The following AGAP1 variants were observed in gnomAD, a reference collection of about 807,000 sequenced individuals.
AGAP1 encodes arf-GAP with GTPase, ANK repeat and PH domain-containing protein 1.
In AGAP1, 29 loss-of-function variants were observed where a neutral mutation model predicts 105.3. That is an observed-to-expected ratio of 0.28 (90% confidence interval 0.21 to 0.38). The LOEUF is 0.38. AGAP1 is among the 10% of genes least tolerant of loss of function. AGAP1 has a pLI of 1.00. For synonymous variants in AGAP1, 509 were observed against 485.9 expected, an observed-to-expected ratio of 1.05 and a Z score of -0.63; for missense variants, 998 against 1,165.1, an observed-to-expected ratio of 0.86 and a Z score of 2.09.
Position 235,559,284 on chromosome 2 carries a change from G to T in AGAP1, c.163+64435G>T, listed in dbSNP as rs1482076121. 6.6e-6 allele frequency among the ~76,000 whole-genome samples: 1 copy of T among 152,106 alleles called. No individual in the cohort carries two copies. The highest frequency in any genetic ancestry group is 2.4e-5 in the African/African-American group (1 of 41,422). On this transcript the variant is annotated intron_variant, in intron 1 of 17. Coordinates refer to ENST00000304032, the MANE Select transcript of AGAP1 (RefSeq NM_001037131.3). The surrounding 1 kb of genome is among the most constrained non-coding windows in gnomAD (Gnocchi z 5.7). ...GTCTTTATAAAAATACGATGAAGGG[G>T]TGATTTGGGTGTCCCAAGACTGTTT...
intron 1 of AGAP1, among the ~76,000 whole-genome samples, chr2:235,686,619 A>G (rs1251223809): frequency 1.5e-3 from 50 of 33,648 alleles, no homozygotes; most frequent in African/African-American, 6.9e-3. Flanking sequence ...GTGGAGATAT[A>G]GATATATATA....
rs1943857913 is a variant in AGAP1, at chr2:235,552,863, G to A, written c.163+58014G>A. Among the ~76,000 whole-genome samples, 1 of 152,212 alleles carries A rather than the reference G, an allele frequency of 6.6e-6. No homozygotes were observed. The stretch of plus-strand genomic sequence containing the variant: ...CTGAGCCGGGTTCTGACTCTGCAGA[G>A]CATTGGAGGCCTTGTTGTGGGCTCA... On this transcript the variant is annotated intron_variant, in intron 1 of 17. Coordinates refer to ENST00000304032, the MANE Select transcript of AGAP1 (RefSeq NM_001037131.3). The surrounding 1 kb of genome is among the most constrained non-coding windows in gnomAD (Gnocchi z 5.9).
intron 16 of AGAP1, among the ~76,000 whole-genome samples, chr2:236,099,384 G>A (rs1350555560): frequency 1.3e-5 from 2 of 151,124 alleles, no homozygotes; most frequent in Non-Finnish European, 3.0e-5. Flanking sequence ...GAACCCAGGA[G>A]GAGGAGGTTG....
rs897549993 is a variant in AGAP1, at chr2:235,691,240, C to T, written c.164-17939C>T. Among the ~76,000 whole-genome samples, 10 of 152,102 alleles carry T rather than the reference C, an allele frequency of 6.6e-5. No homozygotes were observed. Among genetic ancestry groups the T allele is most frequent in the South Asian group, 2.1e-4 (1 of 4,822 alleles). On this transcript the variant is annotated intron_variant, in intron 1 of 17. Coordinates refer to ENST00000304032, the MANE Select transcript of AGAP1 (RefSeq NM_001037131.3). The surrounding 1 kb of genome is among the most constrained non-coding windows in gnomAD (Gnocchi z 4.4). Reference sequence around the variant, plus strand: ...TTTCCCACCGTCAATCAAGCACATGCGCATAGGGCTCTGTGCCTGGCCCCA... The same window carrying T: ...TTTCCCACCGTCAATCAAGCACATGTGCATAGGGCTCTGTGCCTGGCCCCA...
In AGAP1 at chr2:235,792,875, C is replaced by T. The variant is rs1957062536; in HGVS notation, c.674-4884C>T. 6.6e-6 allele frequency among the ~76,000 whole-genome samples: 1 copy of T among 152,140 alleles called. No homozygotes were observed. Among genetic ancestry groups the T allele is most frequent in the African/African-American group, 2.4e-5 (1 of 41,428 alleles). ...AGAGCTCTTCGTGGCAGTGGCGATCCTGGGAGCTCCTGGCACTGAGGTGGT... is the reference window on the plus strand; with the variant it reads ...AGAGCTCTTCGTGGCAGTGGCGATCTTGGGAGCTCCTGGCACTGAGGTGGT... On this transcript the variant is annotated intron_variant, in intron 6 of 17. Coordinates refer to ENST00000304032, the MANE Select transcript of AGAP1 (RefSeq NM_001037131.3). The surrounding 1 kb of genome is among the most constrained non-coding windows in gnomAD (Gnocchi z 5.3).
Position 235,970,004 on chromosome 2 carries a change from C to A in AGAP1, c.1645+1381C>A, listed in dbSNP as rs144046387. Among the ~76,000 whole-genome samples the A allele has an allele frequency of 1.3e-5, 2 of 152,026 alleles. No homozygotes were observed. The highest frequency in any genetic ancestry group is 2.9e-5 in the Non-Finnish European group (2 of 68,012). On this transcript the variant is annotated intron_variant, in intron 13 of 17. Coordinates refer to ENST00000304032, the MANE Select transcript of AGAP1 (RefSeq NM_001037131.3). The surrounding 1 kb of genome is among the most constrained non-coding windows in gnomAD (Gnocchi z 5.4). ...ATCACCTGACGTCAGGAGTTTGAGA[C>A]CAGCCTGGCCAACATGATGAAACTC...
At chr2:235,499,072 T>C (rs2316431) in intron 1 of AGAP1, among the ~76,000 whole-genome samples, 135,053 of 152,254 alleles carry the variant, frequency 0.89, 60,218 homozygotes, top group East Asian at 0.99. Flanking sequence ...TGCAGCGATC[T>C]TGTACACAGA....
In AGAP1 at chr2:235,623,368, T is replaced by A. The variant is rs567489300; in HGVS notation, c.164-85811T>A. ...TGTGTAAATATCGGCAAACCATGTT[T>A]TGGGGATGGAAAATTAGTTAATTTG... On this transcript the variant is annotated intron_variant, in intron 1 of 17. Coordinates refer to ENST00000304032, the MANE Select transcript of AGAP1 (RefSeq NM_001037131.3). This position sits in a 1 kb window ranked among gnomAD's most constrained non-coding sequence, Gnocchi z 4.5. Among the ~76,000 whole-genome samples, 96 of 152,300 alleles carry A rather than the reference T, an allele frequency of 6.3e-4. No homozygotes were observed. The highest frequency in any genetic ancestry group is 1.2e-3 in the Non-Finnish European group (85 of 68,018).
At position 235,801,552 on chromosome 2, in the gene AGAP1, C is replaced by T. The variant is rs547713491; in HGVS notation, c.957+2030C>T. Among the ~76,000 whole-genome samples, 57 of 152,098 alleles carry T rather than the reference C, an allele frequency of 3.7e-4. No individual in the cohort carries two copies. Among genetic ancestry groups the T allele is most frequent in the African/African-American group, 1.3e-3 (56 of 41,492 alleles). ...AGCAGTCACCTAAATAGCTGCTTCCCAGCTCCGTCTAACACCTGGAGCAGC... is the reference window on the plus strand; with the variant it reads ...AGCAGTCACCTAAATAGCTGCTTCCTAGCTCCGTCTAACACCTGGAGCAGC... On this transcript the variant is annotated intron_variant, in intron 8 of 17. Coordinates refer to ENST00000304032, the MANE Select transcript of AGAP1 (RefSeq NM_001037131.3). This position sits in a 1 kb window ranked among gnomAD's most constrained non-coding sequence, Gnocchi z 6.0.
At chr2:235,974,169 T>C (rs1015523259) in intron 13 of AGAP1, among the ~76,000 whole-genome samples, 2 of 152,222 alleles carry the variant, frequency 1.3e-5, no homozygotes, top group Admixed American at 1.3e-4. Context: ...TAAGTGGCTT[T>C]CTTGTCCAGG....
intron 13 of AGAP1, among the ~76,000 whole-genome samples, chr2:236,015,709 TA>T (rs917214799): frequency 2.0e-5 from 3 of 152,130 alleles, no homozygotes; most frequent in South Asian, 2.1e-4. Context: ...CTTGGTATAA[TA>T]GGGGGACATT....
At chr2:235,496,752 C>T (rs6720823) in intron 1 of AGAP1, among the ~76,000 whole-genome samples, 8,014 of 102,870 alleles carry the variant, frequency 0.078, 280 homozygotes, top group Middle Eastern at 0.23. Context: ...ATTTTCCTTT[C>T]TCCCTTAAAA....
chr2:235,589,186 ATTGTTTTGTTTTTTT>A (rs1471869462), intron 1 of AGAP1, among the ~76,000 whole-genome samples: 9 of 35,086 alleles, frequency 2.6e-4, no homozygotes, highest in Non-Finnish European at 1.8e-4. Flanking sequence ...TTAATAGCTT[ATTGTTTTGTTTTTTT>A]TTTTTTTTTT....
intron 1 of AGAP1, among the ~76,000 whole-genome samples, chr2:235,589,746 A>G (rs1158473999): frequency 6.6e-6 from 1 of 152,092 alleles, no homozygotes; most frequent in African/African-American, 2.4e-5. Context: ...AGCAGTGGTC[A>G]TTTTAGTGTT....
Position 235,727,774 on chromosome 2 carries a change from AAT to A in AGAP1, c.310+10134_310+10135del, listed in dbSNP as rs1311009569. 5.9e-5 allele frequency among the ~76,000 whole-genome samples: 9 copies of A among 152,144 alleles called. No individual in the cohort carries two copies. In the East Asian group the frequency reaches 1.7e-3, roughly 29 times the overall value. The stretch of plus-strand genomic sequence containing the variant: ...CTCAGGAGGTACCCATATTGATCAT[AAT>A]ATAGCCTTTCTTAGGCGTAGCAGTC... On this transcript the variant is annotated intron_variant, in intron 3 of 17. Transcript: ENST00000304032.
chr2:235,937,287 G>A (rs758186718), intron 12 of AGAP1, among the ~76,000 whole-genome samples: 15 of 152,184 alleles, frequency 9.9e-5, no homozygotes, highest in East Asian at 3.9e-4. Flanking sequence ...TTCTGTGCTC[G>A]GAGCCTGCTT....
intron 13 of AGAP1, among the ~76,000 whole-genome samples, chr2:235,999,784 G>A (rs1198185606): frequency 6.6e-6 from 1 of 152,048 alleles, no homozygotes; most frequent in Non-Finnish European, 1.5e-5. Flanking sequence ...GGGAGCAGGA[G>A]ATGAGGAACC....
At chr2:235,920,216 A>G (rs566335966) in intron 11 of AGAP1, among the ~76,000 whole-genome samples, 18 of 152,140 alleles carry the variant, frequency 1.2e-4, no homozygotes, top group Non-Finnish European at 2.2e-4. Context: ...CTTTAGAATA[A>G]ATACTTACAC....
intron 1 of AGAP1, among the ~76,000 whole-genome samples, chr2:235,680,486 A>G (rs961951246): frequency 2.6e-5 from 4 of 151,844 alleles, no homozygotes; most frequent in Non-Finnish European, 4.4e-5. Context: ...TGATCCCCCC[A>G]TCTCTGTTCT....
Sources: gnomAD v4.1 joint callset for allele counts (sites outside exome capture counted in the v4.1 genomes callset) on GRCh38, gnomAD v4.1.1 for gene constraint, Gnocchi (gnomAD v3.1) non-coding constraint, MANE v1.5 for transcripts, NCBI Gene and HGNC (gene_info 2026-07-23, HGNC 2026-07-21) for gene names.